The following TRDN variants were observed in gnomAD, a reference collection of about 807,000 sequenced individuals.
TRDN encodes the protein triadin in skeletal muscle.
In TRDN, 161 loss-of-function variants were observed where a neutral mutation model predicts 149.7. That is an observed-to-expected ratio of 1.08 (90% CI 0.95 to 1.23). TRDN has a LOEUF of 1.23. TRDN is among the 50% of genes most tolerant of loss of function. The pLI is 0.00. For synonymous variants in TRDN, 294 were observed against 250.5 expected, an observed-to-expected ratio of 1.17 and a Z score of -1.64; for missense variants, 896 against 823.5, an observed-to-expected ratio of 1.09 and a Z score of -1.08.
chr6:123,297,115 A>G (rs551039474), intron 24 of TRDN, among the ~76,000 whole-genome samples: 199 of 152,218 alleles, frequency 1.3e-3, no homozygotes, highest in African/African-American at 4.6e-3. Flanking sequence ...GTTGGTATGC[A>G]TTGGCTATAT....
At chr6:123,399,412 C>CT (rs982638108) in intron 12 of TRDN, among the ~76,000 whole-genome samples, 21 of 152,154 alleles carry the variant, frequency 1.4e-4, no homozygotes, top group African/African-American at 3.4e-4. Flanking sequence ...GCAGAAGAAA[C>CT]TTTTTTTAAC....
intron 34 of TRDN, 84 bp from the exon 35 acceptor site, chr6:123,259,746 G>A: frequency 3.0e-6 from 3 of 983,642 alleles, no homozygotes; most frequent in South Asian, 3.2e-5. Context: ...AGTTGGAGAT[G>A]AGACTTAATC....
In TRDN at chr6:123,542,874, G is replaced by GTGTGTGTGTGTGTCTGTC. The variant is rs1554255635; in HGVS notation, c.424+4448_424+4465dup. ...TGCATGTTTGCGTGTGTGTGTGTGT[G>GTGTGTGTGTGTGTCTGTC]TGTGTGTGTGTGTCTGTCTGTCTGT... On this transcript the variant is annotated intron_variant, in intron 4 of 40. Coordinates refer to ENST00000334268, the MANE Select transcript of TRDN (RefSeq NM_006073.4). 4.0e-5 allele frequency among the ~76,000 whole-genome samples: 6 copies of GTGTGTGTGTGTGTCTGTC among 151,758 alleles called. No homozygotes were observed. In the East Asian group the frequency reaches 1.2e-3, roughly 29 times the overall value.
At chr6:123,414,221 A>G (rs1773557604) in intron 12 of TRDN, among the ~76,000 whole-genome samples, 1 of 152,142 alleles carries the variant, frequency 6.6e-6, no homozygotes, top group Admixed American at 6.6e-5. Flanking sequence ...ATATTGATCA[A>G]GGTTAACCTT....
chr6:123,634,628 CTG>C (rs953976768), intron 1 of TRDN, among the ~76,000 whole-genome samples: 7 of 151,736 alleles, frequency 4.6e-5, no homozygotes, highest in African/African-American at 1.7e-4. Flanking sequence ...TAACATGAAA[CTG>C]TGTAGTAACA....
intron 24 of TRDN, among the ~76,000 whole-genome samples, chr6:123,289,585 A>G (rs1407937775): frequency 6.6e-6 from 1 of 152,138 alleles, no homozygotes; most frequent in Admixed American, 6.6e-5. Flanking sequence ...CATTGCCATG[A>G]CAACACTCAG....
rs74751268 is a variant in TRDN, at chr6:123,286,886, T to C, written c.1511-7804A>G. 9.9e-3 allele frequency among the ~76,000 whole-genome samples: 1,513 copies of C among 152,132 alleles called. 30 individuals carry two copies. The highest frequency in any genetic ancestry group is 0.034 in the African/African-American group (1,418 of 41,518). Reference sequence around the variant, plus strand: ...GGGGAGTTGCTAGAAATGTAGCTACTTGGACTCCATTCCAGACCTATCAAA... The same window carrying C: ...GGGGAGTTGCTAGAAATGTAGCTACCTGGACTCCATTCCAGACCTATCAAA... On this transcript the variant is annotated intron_variant, in intron 24 of 40. Coordinates refer to ENST00000334268, the MANE Select transcript of TRDN (RefSeq NM_006073.4).
chr6:123,622,318 GACACACACAC>G (rs67160946), intron 1 of TRDN, among the ~76,000 whole-genome samples: 1 of 123,664 alleles, frequency 8.1e-6, no homozygotes, highest in South Asian at 2.9e-4. Context: ...TATATATACA[GACACACACAC>G]ACACACACAC....
chr6:123,492,142 T>G (rs1778249263), intron 9 of TRDN, among the ~76,000 whole-genome samples: 1 of 152,110 alleles, frequency 6.6e-6, no homozygotes, highest in Non-Finnish European at 1.5e-5. Context: ...GAGAAGATTC[T>G]GATAGGTGAG....
intron 5 of TRDN, among the ~76,000 whole-genome samples, chr6:123,527,465 A>G (rs1262892758): frequency 6.6e-6 from 1 of 151,990 alleles, no homozygotes; most frequent in African/African-American, 2.4e-5. Flanking sequence ...AGTTTTAAAT[A>G]TGATTATATT....
intron 2 of TRDN, among the ~76,000 whole-genome samples, chr6:123,562,544 G>T (rs749938832): frequency 3.9e-5 from 6 of 152,120 alleles, no homozygotes; most frequent in Non-Finnish European, 5.9e-5. Context: ...CTGGCAACTT[G>T]ATCTGGAATT....
intron 22 of TRDN, 30 bp from the exon 23 acceptor site, chr6:123,331,959 A>G: frequency 6.6e-7 from 1 of 1,505,018 alleles, no homozygotes; most frequent in Non-Finnish European, 8.9e-7. Flanking sequence ...ATTTATTTGA[A>G]GCCAAGACAA....
At chr6:123,385,303 C>T (rs1199262160) in intron 14 of TRDN, among the ~76,000 whole-genome samples, 2 of 151,946 alleles carry the variant, frequency 1.3e-5, no homozygotes, top group African/African-American at 4.8e-5. Flanking sequence ...TAGCAGCCGC[C>T]TGTAGTACCA....
intron 22 of TRDN, among the ~76,000 whole-genome samples, chr6:123,335,387 T>C (rs554076491): frequency 1.3e-5 from 2 of 152,034 alleles, no homozygotes; most frequent in South Asian, 2.1e-4. Flanking sequence ...CAGTAAGGAA[T>C]GTCAATTGTA....
At chr6:123,380,714 G>GTT (rs34270959) in intron 16 of TRDN, among the ~76,000 whole-genome samples, 17,947 of 118,228 alleles carry the variant, frequency 0.15, 1,381 homozygotes, top group South Asian at 0.23. Flanking sequence ...AAGTTCAAGG[G>GTT]TTTTTTTTTT....
chr6:123,492,095 G>A (rs546862228), intron 9 of TRDN, among the ~76,000 whole-genome samples: 1 of 152,212 alleles, frequency 6.6e-6, no homozygotes, highest in South Asian at 2.1e-4. Context: ...CCATTGAATT[G>A]GAATGCAGGC....
intron 12 of TRDN, among the ~76,000 whole-genome samples, chr6:123,398,968 C>T (rs866583018): frequency 6.6e-6 from 1 of 152,118 alleles, no homozygotes; most frequent in Non-Finnish European, 1.5e-5. Flanking sequence ...AAATCTTCAC[C>T]TCATCAAGCC....
rs1447150514 is a variant in TRDN at position 123,502,482 on chromosome 6, T to C, written c.793+1237A>G. 5 of 850,796 alleles carry C rather than the reference T, an allele frequency of 5.9e-6. No homozygotes were observed. In the East Asian group the frequency reaches 6.1e-4, roughly 104 times the overall value. 52.7% of individuals were successfully genotyped at this position (850,796 alleles called of 1,614,324 possible). A position where few individuals can be genotyped will look rare whatever the true frequency, so the allele number is the denominator to read the frequency against. On this transcript the variant is annotated intron_variant, in intron 8 of 40. Transcript: ENST00000334268. ...GATCACTAAAAAAAGAAAAAATCTTTCCTTTTTAAAATATATATTTTTAAA... is the reference window on the plus strand; with the variant it reads ...GATCACTAAAAAAAGAAAAAATCTTCCCTTTTTAAAATATATATTTTTAAA...
intron 7 of TRDN, among the ~76,000 whole-genome samples, chr6:123,505,244 CAAAAAAAAAAAAAAA>C (rs34096424): frequency 3.9e-5 from 3 of 77,070 alleles, no homozygotes; most frequent in African/African-American, 1.2e-4. Context: ...AACTCTGTCT[CAAAAAAAAAAAAAAA>C]AAAAAAAAAA....
Sources: allele counts gnomAD v4.1 joint callset (sites outside exome capture counted in the v4.1 genomes callset), GRCh38; gene constraint gnomAD v4.1.1; transcripts MANE v1.5; gene names NCBI Gene and HGNC (gene_info 2026-07-23, HGNC 2026-07-21).